The following WDR4 variants were observed in gnomAD, a reference collection of about 807,000 sequenced individuals.
WDR4 encodes tRNA (guanine-N(7)-)-methyltransferase non-catalytic subunit WDR4.
WDR4 carries 47 observed loss-of-function variants against 48.6 expected under a neutral mutation model. The ratio of observed to expected loss-of-function variants is 0.97; its 90% CI spans 0.77 to 1.23. The LOEUF (loss-of-function observed/expected upper bound fraction) is 1.23, where lower values mean the gene tolerates loss of function less well. WDR4 is among the 50% of genes most tolerant of loss of function. The pLI is 0.00. For synonymous variants in WDR4, 268 were observed against 230.0 expected (o/e 1.17, Z -1.49); for missense variants, 606 against 551.6 (o/e 1.10, Z -0.99).
intron 6 of WDR4, 128 bp downstream of exon 6, chr21:42,859,534 G>T: frequency 1.3e-6 from 1 of 740,826 alleles, no homozygotes; most frequent in Non-Finnish European, 2.1e-6. Flanking sequence ...GCAGCTCTAA[G>T]ATCTAGTGGA....
upstream of WDR4, among the ~76,000 whole-genome samples, chr21:42,883,265 ACT>A (rs1383102336): frequency 3.2e-5 from 4 of 124,986 alleles, no homozygotes; most frequent in Admixed American, 8.4e-5. Flanking sequence ...ACAGAGTGAG[ACT>A]CTGTCTCAAA....
At chr21:42,879,626 AGCCTGCCTTGAGCATGCGTGAAAGGT>A, upstream of WDR4, 1 of 1,161,740 alleles carries the variant, frequency 8.6e-7, no homozygotes, top group Non-Finnish European at 1.2e-6. Flanking sequence ...CTCAAGGACG[AGCCTGCCTTGAGCATGCGTGAAAGGT>A]GCTGTGACCG....
Position 42,853,716 on chromosome 21 carries a change from G to A in WDR4, c.828C>T (p.Arg276=). Residue 276 remains arginine (R), a synonymous_variant, in exon 9 of 11, where the codon CGC becomes CGT. Transcript: ENST00000398208. ...PVVYIFQLDA[R]RQQLVYRQQL... is the part of the protein sequence containing the mutation. Reference sequence around the variant, plus strand: ...GCTGCCTGTACACCAACTGCTGTCTGCGGGCGTCCAGCTGGAAGATGTAGA... The same window carrying A: ...GCTGCCTGTACACCAACTGCTGTCTACGGGCGTCCAGCTGGAAGATGTAGA... The A allele has an allele frequency of 6.4e-7, 1 of 1,566,812 alleles. No individual in the cohort carries two copies. Among genetic ancestry groups the A allele is most frequent in the Non-Finnish European group, 8.7e-7 (1 of 1,155,610 alleles).
At chr21:42,857,098 G>A (rs1215184842) in intron 6 of WDR4, among the ~76,000 whole-genome samples, 1 of 152,114 alleles carries the variant, frequency 6.6e-6, no homozygotes, top group African/African-American at 2.4e-5. Flanking sequence ...GGTGAGGGGA[G>A]CTGTCAAATG....
chr21:42,866,708 C>T (rs1208062408), intron 3 of WDR4, among the ~76,000 whole-genome samples: 1 of 152,052 alleles, frequency 6.6e-6, no homozygotes, highest in East Asian at 1.9e-4. Flanking sequence ...CTGCCCCACT[C>T]GCATCCCCCA....
intron 2 of WDR4, among the ~76,000 whole-genome samples, chr21:42,875,845 T>C (rs974752633): frequency 1.3e-5 from 2 of 151,768 alleles, no homozygotes; most frequent in Non-Finnish European, 2.9e-5. Context: ...CTTCAACCAT[T>C]ACTTCAAGGA....
rs62215011 is a variant in WDR4, at chr21:42,855,627, C to G, written c.726+55G>C. ...AAGTGACTTTTCCACTCAAGTCAGGCGACTGCCGGTGTCTACAAGCACTCA... is the reference window on the plus strand; with the variant it reads ...AAGTGACTTTTCCACTCAAGTCAGGGGACTGCCGGTGTCTACAAGCACTCA... On this transcript the variant is annotated intron_variant, in intron 7 of 10. Transcript: ENST00000398208. 8.7e-3 allele frequency: 11,728 copies of G among 1,349,144 alleles called. 75 individuals are homozygous for G. Among genetic ancestry groups the G allele is most frequent in the Non-Finnish European group, 0.01 (10,078 of 1,005,654 alleles). The allele number at this position is 1,349,144 out of a possible 1,614,324, so 83.6% of individuals were successfully genotyped here.
chr21:42,864,184 G>A lies in WDR4; in HGVS notation c.297-588C>T, dbSNP rs1427172678. On this transcript the variant is annotated intron_variant, in intron 3 of 10. Coordinates refer to ENST00000398208, the MANE Select transcript of WDR4 (RefSeq NM_018669.6). ...TGGGATCTAGGTGGTGGATAAATGC[G>A]TGACAAAATCCTCAACTTTCCTGTG... 4.7e-5 allele frequency among the ~76,000 whole-genome samples: 7 copies of A among 147,746 alleles called. No individual in the cohort carries two copies. In the East Asian group the frequency reaches 9.9e-4, roughly 21 times the overall value.
At chr21:42,875,916 C>T (rs1481692466) in intron 2 of WDR4, among the ~76,000 whole-genome samples, 32 of 104,884 alleles carry the variant, frequency 3.1e-4, no homozygotes, top group South Asian at 6.3e-4. Context: ...TAACACTGTG[C>T]TTTTTTTTTT....
In WDR4 at chr21:42,862,203, C is replaced by T. The variant is rs772146785; in HGVS notation, c.566+79G>A. The T allele has an allele frequency of 1.6e-5, 21 of 1,346,154 alleles. No homozygotes were observed. Among genetic ancestry groups the T allele is most frequent in the Non-Finnish European group, 1.9e-5 (19 of 980,872 alleles). 83.4% of individuals were successfully genotyped at this position (1,346,154 alleles called of 1,614,324 possible). ...CCGCGTGGGGCCTCGCCAGCTACAA[C>T]GGCACCTGCTGAGCCGCAAGCTGAC... On this transcript the variant is annotated intron_variant, in intron 5 of 10. Transcript: ENST00000398208. The surrounding 1 kb of genome is among the most constrained non-coding windows in gnomAD (Gnocchi z 4.3).
rs1217595764 is a variant in WDR4 at position 42,873,640 on chromosome 21, G to A, written c.207C>T (p.Phe69=). ...QGSGAILAST[F]SKSGSYFALT... is the part of the protein sequence containing the mutation. ...AAGCAAAATAGCTGCCAGACTTGGA[G>A]AAGGTGGACGCCAGAATCGCACCGC... The change falls in exon 3 of 11, where the codon TTC becomes TTT. Residue 69 remains phenylalanine, a synonymous_variant. Transcript: ENST00000398208. 6.2e-7 allele frequency: 1 copy of A among 1,614,184 alleles called. No homozygotes were observed. The highest frequency in any genetic ancestry group is 2.2e-5 in the East Asian group (1 of 44,888).
In WDR4 at chr21:42,862,506, C is replaced by T. The variant is rs1602727955; in HGVS notation, c.454-112G>A. 3.2e-6 allele frequency: 3 copies of T among 936,462 alleles called. No homozygotes were observed. In the East Asian group the frequency reaches 7.9e-5, roughly 25 times the overall value. The allele number at this position is 936,462 out of a possible 1,614,324, so 58.0% of individuals were successfully genotyped here. ...CAGCCTGGCCGCCAAGAGGATGAGG[C>T]CTTCGAGGACAGACCAGCGTGGCTC... On this transcript the variant is annotated intron_variant, in intron 4 of 10. Transcript: ENST00000398208. The surrounding 1 kb of genome is among the most constrained non-coding windows in gnomAD (Gnocchi z 4.3).
intron 10 of WDR4, 136 bp downstream of exon 10, chr21:42,852,119 G>T: frequency 3.3e-6 from 3 of 919,982 alleles, no homozygotes; most frequent in South Asian, 2.8e-5. Flanking sequence ...CCCGCCTTCT[G>T]GATGGGGACA....
chr21:42,862,409 G>A lies in WDR4; in HGVS notation c.454-15C>T. The A allele has an allele frequency of 4.4e-6, 7 of 1,586,120 alleles. No individual in the cohort carries two copies. The highest frequency in any genetic ancestry group is 1.3e-5 in the African/African-American group (1 of 74,474). On this transcript the variant is annotated splice_polypyrimidine_tract_variant and intron_variant, in intron 4 of 10. Transcript: ENST00000398208. The surrounding 1 kb of genome is among the most constrained non-coding windows in gnomAD (Gnocchi z 4.3). ...GGACTCACAGCCTGCATCACCAGGG[G>A]CCAGAAAAGAAAAAGCCGCTCACCT...
intron 3 of WDR4, among the ~76,000 whole-genome samples, chr21:42,868,088 C>G (rs1402326813): frequency 6.6e-6 from 1 of 152,224 alleles, no homozygotes; most frequent in African/African-American, 2.4e-5. Context: ...CCAACTGCCA[C>G]AGGCAACCAC....
chr21:42,867,266 C>T (rs981822362), intron 3 of WDR4, among the ~76,000 whole-genome samples: 1 of 152,058 alleles, frequency 6.6e-6, no homozygotes, highest in African/African-American at 2.4e-5. Context: ...TGGCTCATTC[C>T]TATAATCCCA....
chr21:42,870,390 G>C (rs2058346384), intron 3 of WDR4, among the ~76,000 whole-genome samples: 2 of 152,110 alleles, frequency 1.3e-5, no homozygotes, highest in Admixed American at 1.3e-4. Flanking sequence ...ATATGGCCTA[G>C]CCCAGATGAA....
upstream of WDR4, among the ~76,000 whole-genome samples, chr21:42,881,590 TAG>T (rs34054888): frequency 0.6 from 90,751 of 151,468 alleles, 27,901 homozygotes; most frequent in African/African-American, 0.71. Flanking sequence ...CACCGTGACA[TAG>T]AGTTGTTCAC....
At chr21:42,886,317 T>G in the WDR4 span, among the ~76,000 whole-genome samples, 34 of 152,334 alleles carry the variant, frequency 2.2e-4, no homozygotes, top group East Asian at 5.0e-3. Flanking sequence ...CCTCTTGATT[T>G]ATTAATGTCT....
Sources: allele counts gnomAD v4.1 joint callset (sites outside exome capture counted in the v4.1 genomes callset), GRCh38; gene constraint gnomAD v4.1.1; non-coding constraint Gnocchi (gnomAD v3.1); transcripts MANE v1.5; gene names NCBI Gene and HGNC (gene_info 2026-07-23, HGNC 2026-07-21).